The following EPHX2 variants were observed in gnomAD, a reference collection of about 807,000 sequenced individuals.
EPHX2 encodes epoxide hydrolase 2.
A neutral mutation model predicts 78.7 loss-of-function variants in EPHX2; 74 were observed. That is an observed-to-expected ratio of 0.94 (90% CI 0.78 to 1.14). The LOEUF (loss-of-function observed/expected upper bound fraction) is 1.14. EPHX2 is among the 50% of genes most tolerant of loss of function. EPHX2 has a pLI of 0.00. For synonymous variants in EPHX2, 251 were observed against 255.2 expected, an observed-to-expected ratio of 0.98 and a Z score of 0.16; for missense variants, 715 against 702.5, an observed-to-expected ratio of 1.02 and a Z score of -0.20.
At chr8:27,532,147 G>C (rs1815066731) in intron 12 of EPHX2, among the ~76,000 whole-genome samples, 1 of 152,060 alleles carries the variant, frequency 6.6e-6, no homozygotes, top group Non-Finnish European at 1.5e-5. Context: ...GCTCCTGGGG[G>C]TGGTGCCTGG....
At chr8:27,516,426 A>T (rs1176418471) in intron 8 of EPHX2, 28 bp downstream of exon 8, 1 of 1,608,054 alleles carries the variant, frequency 6.2e-7, no homozygotes, top group African/African-American at 1.3e-5. Flanking sequence ...CAGCTGTCTT[A>T]TGCTGGTCTT....
intron 12 of EPHX2, among the ~76,000 whole-genome samples, chr8:27,534,218 A>G (rs770793180): frequency 6.6e-6 from 1 of 152,232 alleles, no homozygotes; most frequent in Non-Finnish European, 1.5e-5. Context: ...GGGAACTGTC[A>G]TTAACAGGCA....
intron 12 of EPHX2, among the ~76,000 whole-genome samples, chr8:27,531,150 T>C (rs1296930526): frequency 6.6e-6 from 1 of 152,236 alleles, no homozygotes; most frequent in Non-Finnish European, 1.5e-5. Flanking sequence ...TGTTAGGTTG[T>C]GGTGAAAAGA....
chr8:27,546,500 G>A (rs995149739), downstream of EPHX2, among the ~76,000 whole-genome samples: 2 of 152,180 alleles, frequency 1.3e-5, no homozygotes, highest in African/African-American at 2.4e-5. Context: ...GCAATCATGA[G>A]GACTGGGGGA....
At chr8:27,528,790 AT>A (rs1008312938) in intron 12 of EPHX2, among the ~76,000 whole-genome samples, 2 of 151,738 alleles carry the variant, frequency 1.3e-5, no homozygotes, top group Non-Finnish European at 2.9e-5. Flanking sequence ...TCCCCCACTT[AT>A]TTTTTTATTA....
chr8:27,510,662 G>T (rs900472406), intron 5 of EPHX2, among the ~76,000 whole-genome samples: 3 of 152,158 alleles, frequency 2.0e-5, no homozygotes, highest in Non-Finnish European at 4.4e-5. Flanking sequence ...TTAGAAGAAG[G>T]AGAGATTAAG....
At chr8:27,501,324 T>TTCTTCTTC (rs1813761423) in intron 2 of EPHX2, among the ~76,000 whole-genome samples, 19 of 103,012 alleles carry the variant, frequency 1.8e-4, no homozygotes, top group Middle Eastern at 9.9e-3. Context: ...TGCTATATAT[T>TTCTTCTTC]TTCTTCTTCT....
In EPHX2 at chr8:27,543,311, C is replaced by G. The variant is rs545098577; in HGVS notation, c.1450-438C>G. Among the ~76,000 whole-genome samples, 8 of 152,240 alleles carry G rather than the reference C, an allele frequency of 5.3e-5. 1 individual carries two copies. The South Asian group carries it at 1.7e-3, about 32-fold the overall frequency. ...CTTCCTGTGCATGCCTCCCTGTGTTCAACTCATTTGCCAGCAATTGGAAGT... is the reference window on the plus strand; with the variant it reads ...CTTCCTGTGCATGCCTCCCTGTGTTGAACTCATTTGCCAGCAATTGGAAGT... On this transcript the variant is annotated intron_variant, in intron 16 of 18. Coordinates refer to ENST00000521400, the MANE Select transcript of EPHX2 (RefSeq NM_001979.6).
At chr8:27,528,620 G>A (rs1191522071) in intron 12 of EPHX2, among the ~76,000 whole-genome samples, 1 of 152,120 alleles carries the variant, frequency 6.6e-6, no homozygotes, top group African/African-American at 2.4e-5. Flanking sequence ...ATGTATAGTG[G>A]GTGCTGGGAG....
Position 27,534,323 on chromosome 8 carries a change from G to A in EPHX2, c.1171-2461G>A, listed in dbSNP as rs146891029. On this transcript the variant is annotated intron_variant, in intron 12 of 18. Transcript: ENST00000521400. ...TCTGTGCTGCCACTGCACAGATCCA[G>A]AGCTCTCGTGAGGAGTGATGAGCAG... Among the ~76,000 whole-genome samples, 22 of 152,298 alleles carry A rather than the reference G, an allele frequency of 1.4e-4. No homozygotes were observed. In the East Asian group the frequency reaches 4.1e-3, roughly 28 times the overall value.
chr8:27,515,656 T>C (rs749024848), intron 6 of EPHX2, 62 bp from the exon 7 acceptor site: 61 of 1,408,154 alleles, frequency 4.3e-5, no homozygotes, highest in Non-Finnish European at 5.9e-5. Flanking sequence ...GCAGACGCTG[T>C]GGGGCCTGGG....
chr8:27,525,555 C>A, intron 12 of EPHX2, 82 bp downstream of exon 12: 1 of 1,200,730 alleles, frequency 8.3e-7, no homozygotes, highest in African/African-American at 1.5e-5. Context: ...TGCTTTATCA[C>A]TGTCCCCTTT....
intron 8 of EPHX2, 78 bp downstream of exon 8, chr8:27,516,476 C>T (rs1363463977): frequency 1.5e-6 from 2 of 1,342,332 alleles, no homozygotes; most frequent in African/African-American, 1.5e-5. Context: ...TCGGTGCTTT[C>T]CCTGGTCCCA....
chr8:27,499,116 G>A (rs1813675156), intron 1 of EPHX2, among the ~76,000 whole-genome samples: 1 of 152,016 alleles, frequency 6.6e-6, no homozygotes, highest in Non-Finnish European at 1.5e-5. Context: ...TTCTTATAAA[G>A]CCACTAGTCC....
intron 6 of EPHX2, 50 bp from the exon 7 acceptor site, chr8:27,515,666 GTC>G: frequency 6.7e-7 from 1 of 1,496,804 alleles, no homozygotes; most frequent in Middle Eastern, 1.8e-4. Flanking sequence ...TGGGGCCTGG[GTC>G]CACTGGGCCT....
chr8:27,518,011 A>G (rs759713879), intron 8 of EPHX2, 27 bp from the exon 9 acceptor site: 6 of 1,554,690 alleles, frequency 3.9e-6, no homozygotes, highest in Admixed American at 1.9e-5. Context: ...CGTGAATTAA[A>G]TATGTTTCTT....
chr8:27,518,011 A>T, intron 8 of EPHX2, 27 bp from the exon 9 acceptor site: 2 of 1,554,690 alleles, frequency 1.3e-6, no homozygotes, highest in Non-Finnish European at 1.8e-6. Context: ...CGTGAATTAA[A>T]TATGTTTCTT....
At chr8:27,492,335 C>T (rs185316916) in intron 1 of EPHX2, among the ~76,000 whole-genome samples, 111 of 152,232 alleles carry the variant, frequency 7.3e-4, no homozygotes, top group African/African-American at 2.5e-3. Flanking sequence ...AGAGCAAGAC[C>T]CTGTCTCTCC....
chr8:27,505,996 AT>A (rs1269516006), intron 4 of EPHX2, among the ~76,000 whole-genome samples: 7 of 151,906 alleles, frequency 4.6e-5, no homozygotes, highest in African/African-American at 1.4e-4. Context: ...TAATTAATTT[AT>A]TTTTTCTTAG....
Sources: gnomAD v4.1 joint callset for allele counts (sites outside exome capture counted in the v4.1 genomes callset) on GRCh38, gnomAD v4.1.1 for gene constraint, MANE v1.5 for transcripts, NCBI Gene and HGNC (gene_info 2026-07-23, HGNC 2026-07-21) for gene names.